Variants in VIL1 observed in about 807,000 individuals in gnomAD.
The protein encoded by VIL1 is villin 1, also known as villin-1.
A neutral mutation model predicts 104.0 loss-of-function variants in VIL1; 86 were observed. The ratio of observed to expected loss-of-function variants is 0.83; its 90% confidence interval spans 0.69 to 0.99. The LOEUF (loss-of-function observed/expected upper bound fraction) is 0.99, where lower values mean the gene tolerates loss of function less well. Ranked by LOEUF, VIL1 falls within the 50% of genes least tolerant of loss-of-function variation. The pLI, the probability that VIL1 is intolerant of heterozygous loss-of-function variation, is 0.00. For missense variants in VIL1, 944 were observed against 1,054.1 expected (o/e 0.90, Z 1.45); for synonymous variants, 394 against 412.6 (o/e 0.95, Z 0.55).
At chr2:218,447,381 T>C (rs1373090839) in intron 19 of VIL1, among the ~76,000 whole-genome samples, 2 of 152,168 alleles carry the variant, frequency 1.3e-5, no homozygotes, top group African/African-American at 2.4e-5. Context: ...ACAATGGCAC[T>C]ATCTTGGCTT....
In VIL1 at chr2:218,453,100, A is replaced by AC. The variant is rs750168106; in HGVS notation, c.*3764_*3765insC. ...CAAAGCATTTATCAGTAGTTGAGCAAAACTGCTGAGGCCATTTATAATTCA... is the reference window on the plus strand; with the variant it reads ...CAAAGCATTTATCAGTAGTTGAGCAACAACTGCTGAGGCCATTTATAATTCA... On this transcript the variant is annotated 3_prime_UTR_variant, in exon 20 of 20. Coordinates refer to ENST00000248444, the MANE Select transcript of VIL1 (RefSeq NM_007127.3). 1 of 152,222 alleles carries AC rather than the reference A, an allele frequency of 6.6e-6. No homozygotes were observed. Among genetic ancestry groups the AC allele is most frequent in the Non-Finnish European group, 1.5e-5 (1 of 68,034 alleles). The allele number at this position is 152,222 out of a possible 1,614,324, so 9.4% of individuals were successfully genotyped here.
At position 218,436,533 on chromosome 2, in the gene VIL1, C is replaced by G. The variant is rs1480067984; in HGVS notation, c.1878C>G (p.Asn626Lys). Residue 626 changes from asparagine to lysine, a missense_variant, in exon 16 of 20, where the codon AAC becomes AAG. Physicochemically the swap from Asn to Lys is moderately conservative, Grantham distance 94 (BLOSUM62 0). Transcript: ENST00000248444. ...VITPRLFECS[N>K]KTGRFLATEI... ...CCCCCCGGCTCTTTGAGTGTTCCAA[C>G]AAGACTGGGCGCTTCCTGGCCACAG... is the stretch of plus-strand genomic sequence containing the variant. 1.9e-6 allele frequency: 3 copies of G among 1,614,058 alleles called. No homozygotes were observed. The highest frequency in any genetic ancestry group is 2.5e-6 in the Non-Finnish European group (3 of 1,180,030).
rs756628979 is a variant in VIL1, at chr2:218,428,007, G to T, written c.390G>T (p.Glu130Asp). The T allele has an allele frequency of 6.2e-7, 1 of 1,614,182 alleles. No individual in the cohort carries two copies. Among genetic ancestry groups the T allele is most frequent in the South Asian group, 1.1e-5 (1 of 91,082 alleles). The change falls in exon 5 of 20, where the codon GAG (glutamate) becomes GAT (aspartate). Residue 130 changes from glutamate to aspartate, a missense_variant. By Grantham distance (45) the Glu-to-Asp change is conservative. Coordinates refer to ENST00000248444, the MANE Select transcript of VIL1 (RefSeq NM_007127.3). ...GGVASGMKHV[E>D]TNSYDVQRLL... Reference sequence around the variant, plus strand: ...TGGCTTCTGGCATGAAGCACGTGGAGACCAACTCCTATGACGTCCAGAGGC... The same window carrying T: ...TGGCTTCTGGCATGAAGCACGTGGATACCAACTCCTATGACGTCCAGAGGC...
At chr2:218,440,412 G>T (rs1354250990) in intron 18 of VIL1, among the ~76,000 whole-genome samples, 2 of 152,106 alleles carry the variant, frequency 1.3e-5, no homozygotes, top group Non-Finnish European at 2.9e-5. Context: ...TGGGATTACA[G>T]GCGCCTGACA....
At chr2:218,426,758 C>T (rs151200853) in intron 4 of VIL1, among the ~76,000 whole-genome samples, 4,968 of 152,260 alleles carry the variant, frequency 0.033, 112 homozygotes, top group Non-Finnish European at 0.049. Context: ...CCCACCACCA[C>T]GTCCGGCTAA....
intron 17 of VIL1, 66 bp downstream of exon 17, chr2:218,437,378 G>A: frequency 6.4e-7 from 1 of 1,559,962 alleles, no homozygotes; most frequent in Non-Finnish European, 8.7e-7. Context: ...GATTCCTGCA[G>A]GCCATTCTGT....
In VIL1 at chr2:218,432,149, G is replaced by T. The variant is rs1326620984; in HGVS notation, c.1307G>T (p.Gly436Val). The T allele has an allele frequency of 5.6e-6, 9 of 1,613,948 alleles. No individual in the cohort carries two copies. The highest frequency in any genetic ancestry group is 2.2e-5 in the East Asian group (1 of 44,886). Residue 436 changes from glycine to valine, a missense_variant, in exon 12 of 20, where the codon GGC becomes GTC. By Grantham distance (109) the Gly-to-Val change is moderately radical. Coordinates refer to ENST00000248444, the MANE Select transcript of VIL1 (RefSeq NM_007127.3). ...CYLLLYTYLI[G>V]EKQHYLLYVW... is the part of the protein sequence containing the mutation. ...CTGCTGCTCTACACCTACCTCATCG[G>T]CGAGAAGCAGCATTACCTGCTCTAC...
intron 1 of VIL1, among the ~76,000 whole-genome samples, chr2:218,422,848 G>C (rs1026553716): frequency 3.9e-5 from 6 of 152,156 alleles, no homozygotes; most frequent in Non-Finnish European, 8.8e-5. Flanking sequence ...GGCCTGATGA[G>C]GAGGAACCTC....
In VIL1 at chr2:218,431,875, A is replaced by C. The variant is rs1689104616; in HGVS notation, c.1121A>C (p.Lys374Thr). Reference protein sequence around the residue: ...VGSVAKVEQVKFDATSMHVKP... With the variant: ...VGSVAKVEQVTFDATSMHVKP... ...ACTCTAGCCAAAGTGGAACAGGTGAAGTTCGATGCCACATCCATGCATGTC... is the reference window on the plus strand; with the variant it reads ...ACTCTAGCCAAAGTGGAACAGGTGACGTTCGATGCCACATCCATGCATGTC... Residue 374 changes from lysine to threonine, a missense_variant, in exon 11 of 20, where the codon AAG (lysine) becomes ACG (threonine). Physicochemically the swap from Lys to Thr is moderately conservative, Grantham distance 78. Coordinates refer to ENST00000248444, the MANE Select transcript of VIL1 (RefSeq NM_007127.3). The C allele has an allele frequency of 6.2e-7, 1 of 1,613,640 alleles. No homozygotes were observed. The highest frequency in any genetic ancestry group is 8.5e-7 in the Non-Finnish European group (1 of 1,179,944).
intron 4 of VIL1, among the ~76,000 whole-genome samples, chr2:218,426,865 G>A (rs1374255989): frequency 6.6e-6 from 1 of 151,790 alleles, no homozygotes; most frequent in African/African-American, 2.4e-5. Context: ...GCCTCCCAAA[G>A]TGCTGGGATT....
chr2:218,440,864 T>G lies in VIL1; in HGVS notation c.2370+2T>G. 1.2e-6 allele frequency: 2 copies of G among 1,613,478 alleles called. No homozygotes were observed. The highest frequency in any genetic ancestry group is 1.7e-6 in the Non-Finnish European group (2 of 1,179,782). On this transcript the variant is annotated splice_donor_variant, in intron 19 of 19. Coordinates refer to ENST00000248444, the MANE Select transcript of VIL1 (RefSeq NM_007127.3). LOFTEE classifies it high-confidence loss of function. ...GGTGTGGACCCCAGCAGGAAGGAGG[T>G]AGGTCAGATTCTCAAAGGAAGACAA...
intron 5 of VIL1, 53 bp downstream of exon 5, chr2:218,428,126 G>T: frequency 1.9e-6 from 3 of 1,604,118 alleles, no homozygotes. Flanking sequence ...CAGGGTGGAG[G>T]GCAGGGGCTG....
intron 2 of VIL1, 132 bp downstream of exon 2, chr2:218,423,985 C>A (rs369545925): frequency 1.0e-6 from 1 of 984,598 alleles, no homozygotes. Context: ...CAGCCCCTCA[C>A]CTCCCGCATC....
At chr2:218,438,017 G>A (rs1020551416) in intron 17 of VIL1, among the ~76,000 whole-genome samples, 3 of 152,190 alleles carry the variant, frequency 2.0e-5, no homozygotes, top group Non-Finnish European at 4.4e-5. Context: ...CCTTAAATTT[G>A]TTGGTTTGTT....
intron 8 of VIL1, 67 bp from the exon 9 acceptor site, chr2:218,429,782 T>G (rs1689064842): frequency 7.5e-6 from 12 of 1,590,460 alleles, no homozygotes; most frequent in Non-Finnish European, 1.0e-5. Context: ...AGAGACTTTT[T>G]TGTGTGTGAG....
At chr2:218,445,902 A>G (rs181560768) in intron 19 of VIL1, among the ~76,000 whole-genome samples, 8 of 152,314 alleles carry the variant, frequency 5.3e-5, no homozygotes, top group African/African-American at 1.4e-4. Flanking sequence ...GGCTGAAGAC[A>G]CCCAAGGCTT....
At chr2:218,436,395 A>C in intron 15 of VIL1, 87 bp from the exon 16 acceptor site, 4 of 1,522,706 alleles carry the variant, frequency 2.6e-6, no homozygotes, top group Non-Finnish European at 3.5e-6. Flanking sequence ...TTTCTATGCC[A>C]GAGTCCCTTC....
intron 19 of VIL1, among the ~76,000 whole-genome samples, chr2:218,446,161 A>T (rs1478694737): frequency 6.6e-6 from 1 of 152,150 alleles, no homozygotes; most frequent in Non-Finnish European, 1.5e-5. Flanking sequence ...CGCTCTAAGC[A>T]AAACCTGCTC....
rs1409993579 is a variant in VIL1, at chr2:218,432,128, T to C, written c.1286T>C (p.Leu429Pro). ...TTCTATGGGGGCGACTGCTACCTGC[T>C]GCTCTACACCTACCTCATCGGCGAG... Reference protein sequence around the residue: ...GHFYGGDCYLLLYTYLIGEKQ... With the variant: ...GHFYGGDCYLPLYTYLIGEKQ... The change falls in exon 12 of 20, where the codon CTG (leucine) becomes CCG (proline). Residue 429 changes from leucine (L) to proline (P), a missense_variant. Coordinates refer to ENST00000248444, the MANE Select transcript of VIL1 (RefSeq NM_007127.3). 6.2e-7 allele frequency: 1 copy of C among 1,613,624 alleles called. No individual in the cohort carries two copies. The highest frequency in any genetic ancestry group is 1.1e-5 in the South Asian group (1 of 91,048).
Sources: gnomAD v4.1 joint callset for allele counts (sites outside exome capture counted in the v4.1 genomes callset) on GRCh38, gnomAD v4.1.1 for gene constraint, MANE v1.5 for transcripts, NCBI Gene and HGNC (gene_info 2026-07-23, HGNC 2026-07-21) for gene names.